The following COL15A1 variants were observed in gnomAD, a reference collection of about 807,000 sequenced individuals.
COL15A1 encodes collagen type XV alpha 1 chain.
COL15A1 carries 111 observed loss-of-function variants against 165.9 expected under a neutral mutation model. The observed-to-expected ratio is 0.67, with a 90% CI of 0.57 to 0.78. COL15A1 has a LOEUF of 0.78. Among genes scored for constraint, COL15A1 ranks in the 30% least tolerant of loss-of-function variants. The probability of loss-of-function intolerance (pLI) is 0.00; values close to 1 mark genes in which losing one functional copy is unlikely to be tolerated. For missense variants in COL15A1, 1,745 were observed against 1,789.7 expected (o/e 0.98, Z 0.45); for synonymous variants, 659 against 674.8 (o/e 0.98, Z 0.36).
At position 99,055,971 on chromosome 9, in the gene COL15A1, C is replaced by G. The variant is rs550820592; in HGVS notation, c.3193-289C>G. ...ATCTTGGGCAAGTCCTTTCACTTCT[C>G]TGGGCTTCAGTGTCTCCATCTGTGA... On this transcript the variant is annotated intron_variant, in intron 34 of 41. Transcript: ENST00000375001. Among the ~76,000 whole-genome samples, 210 of 152,300 alleles carry G rather than the reference C, an allele frequency of 1.4e-3. 1 individual carries two copies. Among genetic ancestry groups the G allele is most frequent in the African/African-American group, 4.6e-3 (193 of 41,568 alleles).
At chr9:99,024,805 A>T in intron 14 of COL15A1, 69 bp from the exon 15 acceptor site, 1 of 1,524,116 alleles carries the variant, frequency 6.6e-7, no homozygotes, top group Non-Finnish European at 8.9e-7. Context: ...GAGAGATTGC[A>T]TGAAGCACAT....
chr9:98,984,219 T>C (rs935854409), intron 2 of COL15A1, among the ~76,000 whole-genome samples: 5 of 152,210 alleles, frequency 3.3e-5, no homozygotes, highest in Non-Finnish European at 5.9e-5. Flanking sequence ...GCTACAGTGG[T>C]CTTGTCCCCC....
At position 99,016,037 on chromosome 9, in the gene COL15A1, G is replaced by A; in HGVS notation, c.1565G>A (p.Gly522Glu). Reference sequence around the variant, plus strand: ...ACAGAGGAGCCCCTCATCACAGCTGGGGGTGAAGAGTCCGGCAGCCCTCCC... The same window carrying A: ...ACAGAGGAGCCCCTCATCACAGCTGAGGGTGAAGAGTCCGGCAGCCCTCCC... ...ATTEEPLITAGGEESGSPPPD... is the reference protein window; with the variant it reads ...ATTEEPLITAEGEESGSPPPD... The change falls in exon 11 of 42, where the codon GGG becomes GAG. Residue 522 changes from glycine to glutamate, a missense_variant. Physicochemically the swap from Gly to Glu is moderately conservative, Grantham distance 98. Transcript: ENST00000375001. 1 of 1,614,074 alleles carries A rather than the reference G, an allele frequency of 6.2e-7. No homozygotes were observed. Among genetic ancestry groups the A allele is most frequent in the Non-Finnish European group, 8.5e-7 (1 of 1,179,934 alleles).
intron 2 of COL15A1, among the ~76,000 whole-genome samples, chr9:98,966,445 C>T (rs1258645376): frequency 2.0e-5 from 3 of 152,182 alleles, no homozygotes; most frequent in Admixed American, 6.5e-5. Flanking sequence ...TCCTACCTTG[C>T]CCCATGGCCC....
chr9:98,964,066 G>A (rs1383214604), intron 2 of COL15A1, among the ~76,000 whole-genome samples: 2 of 152,212 alleles, frequency 1.3e-5, no homozygotes, highest in Non-Finnish European at 2.9e-5. Flanking sequence ...TAAAGAACAT[G>A]CCCAAGATCA....
chr9:98,979,774 G>A (rs542576371), intron 2 of COL15A1, among the ~76,000 whole-genome samples: 3 of 152,206 alleles, frequency 2.0e-5, no homozygotes, highest in Admixed American at 2.0e-4. Flanking sequence ...GTAAACTGGA[G>A]AGGATAAGCA....
chr9:99,010,522 G>A (rs1838833311), intron 9 of COL15A1, among the ~76,000 whole-genome samples: 1 of 152,168 alleles, frequency 6.6e-6, no homozygotes, highest in Admixed American at 6.5e-5. Flanking sequence ...TCCAGAGTAG[G>A]CTTGCAAGAC....
At chr9:99,024,738 T>TC in intron 14 of COL15A1, 136 bp from the exon 15 acceptor site, 1 of 952,708 alleles carries the variant, frequency 1.0e-6, no homozygotes, top group Non-Finnish European at 1.5e-6. Flanking sequence ...AGCCTTATTT[T>TC]CCGCATCTGC....
chr9:98,973,167 C>T (rs1708028678), intron 2 of COL15A1, among the ~76,000 whole-genome samples: 1 of 152,142 alleles, frequency 6.6e-6, no homozygotes, highest in Non-Finnish European at 1.5e-5. Flanking sequence ...CAGCTCCAGG[C>T]TTCCTCAAAT....
At chr9:98,958,088 C>T (rs1329511873) in intron 2 of COL15A1, among the ~76,000 whole-genome samples, 6 of 152,224 alleles carry the variant, frequency 3.9e-5, no homozygotes, top group East Asian at 1.9e-4. Flanking sequence ...CATGACATGC[C>T]GGAGGCAACT....
At chr9:99,058,949 C>G (rs1164410632) in intron 35 of COL15A1, among the ~76,000 whole-genome samples, 1 of 152,118 alleles carries the variant, frequency 6.6e-6, no homozygotes, top group Admixed American at 6.5e-5. Context: ...CTGCCAAGAG[C>G]TTGGCAGATT....
At chr9:99,032,256 G>A (rs527969771) in intron 16 of COL15A1, among the ~76,000 whole-genome samples, 16 of 151,806 alleles carry the variant, frequency 1.1e-4, no homozygotes, top group East Asian at 1.9e-4. Context: ...GCAGTGGTGC[G>A]ATCTTGGCTC....
At chr9:98,957,577 C>T (rs965488655) in intron 2 of COL15A1, among the ~76,000 whole-genome samples, 18 of 152,184 alleles carry the variant, frequency 1.2e-4, no homozygotes, top group Admixed American at 1.0e-3. Context: ...AATATCCCTT[C>T]CCACACCCTA....
chr9:99,040,403 G>A (rs1485041922), intron 22 of COL15A1, 118 bp from the exon 23 acceptor site: 16 of 1,531,972 alleles, frequency 1.0e-5, no homozygotes, highest in South Asian at 5.8e-5. Flanking sequence ...GTGTCAATCC[G>A]TCTTCCCAGC....
At chr9:98,990,736 G>A (rs1301798583) in intron 5 of COL15A1, among the ~76,000 whole-genome samples, 1 of 152,212 alleles carries the variant, frequency 6.6e-6, no homozygotes, top group Non-Finnish European at 1.5e-5. Context: ...GCTTTGGACA[G>A]AGATAGAGAA....
Position 99,069,978 on chromosome 9 carries a change from A to T in COL15A1, c.*92A>T. 1 of 953,160 alleles carries T rather than the reference A, an allele frequency of 1.0e-6. No individual in the cohort carries two copies. The highest frequency in any genetic ancestry group is 1.4e-6 in the Non-Finnish European group (1 of 714,148). The allele number at this position is 953,160 out of a possible 1,614,324, so 59.0% of individuals were successfully genotyped here. Reference sequence around the variant, plus strand: ...AAAATGTTTAATTGTTGTAAATATTACAGTTTTTTTTTTTTACTACATATT... The same window carrying T: ...AAAATGTTTAATTGTTGTAAATATTTCAGTTTTTTTTTTTTACTACATATT... On this transcript the variant is annotated 3_prime_UTR_variant, in exon 42 of 42. Coordinates refer to ENST00000375001, the MANE Select transcript of COL15A1 (RefSeq NM_001855.5).
At chr9:99,004,307 G>A (rs1838718735) in intron 8 of COL15A1, among the ~76,000 whole-genome samples, 1 of 152,114 alleles carries the variant, frequency 6.6e-6, no homozygotes, top group Non-Finnish European at 1.5e-5. Flanking sequence ...TGGGTGAGTG[G>A]TGGTGCCAGC....
In COL15A1 at chr9:99,070,004, CT is replaced by C; in HGVS notation, c.*121del. Reference sequence around the variant, plus strand: ...CAGTTTTTTTTTTTTACTACATATTCTTTACAACAGCAACCAAAGAAAACAT... The same window carrying C: ...CAGTTTTTTTTTTTTACTACATATTCTTACAACAGCAACCAAAGAAAACAT... On this transcript the variant is annotated 3_prime_UTR_variant, in exon 42 of 42. Transcript: ENST00000375001. 2 of 779,696 alleles carry C rather than the reference CT, an allele frequency of 2.6e-6. No individual in the cohort carries two copies. Among genetic ancestry groups the C allele is most frequent in the Non-Finnish European group, 4.0e-6 (2 of 506,040 alleles). 48.3% of individuals were successfully genotyped at this position (779,696 alleles called of 1,614,324 possible).
chr9:99,004,474 C>T (rs892159175), intron 8 of COL15A1, among the ~76,000 whole-genome samples: 5 of 152,088 alleles, frequency 3.3e-5, no homozygotes, highest in African/African-American at 1.2e-4. Flanking sequence ...TGGCACTGGG[C>T]TAGGAAGAGA....
Sources: gnomAD v4.1 joint callset for allele counts (sites outside exome capture counted in the v4.1 genomes callset) on GRCh38, gnomAD v4.1.1 for gene constraint, MANE v1.5 for transcripts, NCBI Gene and HGNC (gene_info 2026-07-23, HGNC 2026-07-21) for gene names.